Variants in UMODL1 observed in about 807,000 individuals in gnomAD.
UMODL1 encodes the protein uromodulin like 1, also known as uromodulin-like 1.
In UMODL1, 128 loss-of-function variants were observed where a neutral mutation model predicts 136.3. That is an observed-to-expected ratio of 0.94 (90% CI 0.81 to 1.09). The LOEUF is 1.09. Ranked by LOEUF, UMODL1 falls within the 50% of genes least tolerant of loss-of-function variation. The pLI is 0.00. For missense variants in UMODL1, 1,766 were observed against 1,725.6 expected (o/e 1.02, Z -0.41); for synonymous variants, 721 against 720.0 (o/e 1.00, Z -0.02).
At chr21:42,126,872 T>C in intron 18 of UMODL1, 134 bp from the exon 19 acceptor site, 1 of 802,628 alleles carries the variant, frequency 1.2e-6, no homozygotes, top group South Asian at 1.6e-5. Context: ...GTGCTCTCGT[T>C]TGGGGTTGAG....
intron 2 of UMODL1, among the ~76,000 whole-genome samples, chr21:42,079,373 C>T (rs2066333906): frequency 3.3e-5 from 5 of 152,252 alleles, no homozygotes. Flanking sequence ...AGTGTTAACA[C>T]CTTTAATTAG....
chr21:42,072,268 G>A (rs567350373), intron 1 of UMODL1, among the ~76,000 whole-genome samples: 30 of 152,334 alleles, frequency 2.0e-4, no homozygotes, highest in Admixed American at 2.0e-3. Context: ...AGAATCCAGG[G>A]AAATGGGACT....
At chr21:42,101,879 G>A (rs769253486) in intron 7 of UMODL1, 11 of 393,858 alleles carry the variant, frequency 2.8e-5, no homozygotes, top group Middle Eastern at 8.1e-4. Context: ...GCCACCCCAC[G>A]GGAAAGGACC....
chr21:42,097,187 G>A (rs553423353), intron 6 of UMODL1, among the ~76,000 whole-genome samples: 72 of 152,346 alleles, frequency 4.7e-4, no homozygotes, highest in African/African-American at 1.7e-3. Context: ...AAGTATAGAT[G>A]TGTCTTTTAA....
intron 6 of UMODL1, among the ~76,000 whole-genome samples, chr21:42,097,841 T>C (rs1175668924): frequency 6.6e-6 from 1 of 152,210 alleles, no homozygotes; most frequent in Non-Finnish European, 1.5e-5. Flanking sequence ...AGAGCTTCGA[T>C]GCTATTTGAG....
chr21:42,110,855 T>C (rs1364489686), intron 10 of UMODL1, 25 bp from the exon 11 acceptor site: 4 of 1,576,176 alleles, frequency 2.5e-6, no homozygotes, highest in Non-Finnish European at 3.4e-6. Context: ...TCCAGCAGGC[T>C]CTGACAGTGG....
At position 42,093,829 on chromosome 21, in the gene UMODL1, G is replaced by A. The variant is rs1277617397; in HGVS notation, c.931+3391G>A. ...CCAGGTATTAAAAATTTCCAGCCCAGCTCTGCCAGCAAAACACTGAGAACA... is the reference window on the plus strand; with the variant it reads ...CCAGGTATTAAAAATTTCCAGCCCAACTCTGCCAGCAAAACACTGAGAACA... On this transcript the variant is annotated intron_variant, in intron 6 of 22. Transcript: ENST00000408910. The A allele has an allele frequency of 4.0e-5, 18 of 453,604 alleles. No individual in the cohort carries two copies. In the Middle Eastern group the frequency reaches 1.9e-3, roughly 49 times the overall value. 28.1% of individuals were successfully genotyped at this position (453,604 alleles called of 1,614,324 possible). A position where few individuals can be genotyped will look rare whatever the true frequency, so the allele number is the denominator to read the frequency against.
In UMODL1 at chr21:42,113,779, G is replaced by A; in HGVS notation, c.2311G>A (p.Ala771Thr). The change falls in exon 13 of 23, where the codon GCC becomes ACC. Residue 771 changes from alanine to threonine, a missense_variant. Physicochemically the swap from Ala to Thr is moderately conservative, Grantham distance 58. Coordinates refer to ENST00000408910, the MANE Select transcript of UMODL1 (RefSeq NM_001004416.3). ...PGVLHLVEIM[A>T]KACGKEGARA... ...GGTCTTGCACCTGGTTGAGATCATG[G>A]CCAAAGCATGTGGGAAAGAAGGTGC... 1 of 1,614,066 alleles carries A rather than the reference G, an allele frequency of 6.2e-7. No individual in the cohort carries two copies. The highest frequency in any genetic ancestry group is 8.5e-7 in the Non-Finnish European group (1 of 1,180,020).
At chr21:42,089,182 C>T (rs759386738) in intron 5 of UMODL1, among the ~76,000 whole-genome samples, 16 of 152,294 alleles carry the variant, frequency 1.1e-4, no homozygotes, top group South Asian at 1.0e-3. Flanking sequence ...GGCTCCCGTA[C>T]GGCTTCCTGT....
In UMODL1 at chr21:42,103,918, G is replaced by A. The variant is rs2066674462; in HGVS notation, c.1350G>A (p.Lys450=). Residue 450 remains lysine (K), a synonymous_variant, in exon 9 of 23, where the codon AAG becomes AAA. Coordinates refer to ENST00000408910, the MANE Select transcript of UMODL1 (RefSeq NM_001004416.3). ...PVVSDLYRSG[K]LRMQIVSLQA... is the part of the protein sequence containing the mutation. Reference sequence around the variant, plus strand: ...TGTCTGACTTGTACCGAAGTGGGAAGCTGAGAATGCAGATCGTGTCTCTCC... The same window carrying A: ...TGTCTGACTTGTACCGAAGTGGGAAACTGAGAATGCAGATCGTGTCTCTCC... 16 of 1,614,082 alleles carry A rather than the reference G, an allele frequency of 9.9e-6. No homozygotes were observed. The East Asian group carries it at 3.6e-4, about 36-fold the overall frequency.
chr21:42,135,639 G>A (rs1429677867), intron 21 of UMODL1, among the ~76,000 whole-genome samples: 2 of 152,214 alleles, frequency 1.3e-5, no homozygotes, highest in African/African-American at 4.8e-5. Context: ...AGAGCCCCTG[G>A]GGGCTGGATT....
Position 42,073,862 on chromosome 21 carries a change from C to A in UMODL1, c.77-2143C>A, listed in dbSNP as rs937738099. On this transcript the variant is annotated intron_variant, in intron 1 of 22. Coordinates refer to ENST00000408910, the MANE Select transcript of UMODL1 (RefSeq NM_001004416.3). ...GAGGGAAATCAACTGTAATACTGAGCCCCCACCTCTTGGGGGTACAGTCTA... is the reference window on the plus strand; with the variant it reads ...GAGGGAAATCAACTGTAATACTGAGACCCCACCTCTTGGGGGTACAGTCTA... 2.0e-5 allele frequency among the ~76,000 whole-genome samples: 3 copies of A among 152,174 alleles called. No homozygotes were observed. The South Asian group carries it at 6.2e-4, about 32-fold the overall frequency.
chr21:42,104,118 GT>G (rs1246802447), intron 9 of UMODL1, 31 bp downstream of exon 9: 2 of 1,582,662 alleles, frequency 1.3e-6, no homozygotes, highest in African/African-American at 2.7e-5. Context: ...CTGCTGCCTG[GT>G]GTCCTCCAGC....
intron 15 of UMODL1, 116 bp downstream of exon 15, chr21:42,119,440 C>A: frequency 1.1e-6 from 1 of 880,592 alleles, no homozygotes; most frequent in Non-Finnish European, 1.8e-6. Flanking sequence ...GTCCTTCTTC[C>A]CCCAGAATTA....
In UMODL1 at chr21:42,126,426, A is replaced by G. The variant is rs1569174583; in HGVS notation, c.3229A>G (p.Ser1077Gly). ...EGIIHHLKIL[S>G]PIYCAFQNDL... is the part of the protein sequence containing the mutation. Reference sequence around the variant, plus strand: ...CATCATCCACCACCTGAAGATCCTGAGCCCCATCTACTGCGCCTTCCAGAA... The same window carrying G: ...CATCATCCACCACCTGAAGATCCTGGGCCCCATCTACTGCGCCTTCCAGAA... The change falls in exon 18 of 23, where the codon AGC becomes GGC. Residue 1077 changes from serine to glycine, a missense_variant. By Grantham distance (56) the Ser-to-Gly change is moderately conservative (BLOSUM62 0). Transcript: ENST00000408910. 1.9e-6 allele frequency: 3 copies of G among 1,614,216 alleles called. No homozygotes were observed. The highest frequency in any genetic ancestry group is 2.2e-5 in the East Asian group (1 of 44,886).
chr21:42,082,293 C>T (rs2066371165), intron 2 of UMODL1, among the ~76,000 whole-genome samples: 1 of 152,186 alleles, frequency 6.6e-6, no homozygotes, highest in South Asian at 2.1e-4. Flanking sequence ...CCCGAGAGGC[C>T]AGTCCCTGGG....
chr21:42,132,219 A>C (rs538280361), intron 21 of UMODL1, among the ~76,000 whole-genome samples: 80 of 150,994 alleles, frequency 5.3e-4, no homozygotes, highest in African/African-American at 1.9e-3. Flanking sequence ...CCACTCATCT[A>C]TCATCCATCC....
intron 22 of UMODL1, among the ~76,000 whole-genome samples, chr21:42,138,170 G>A (rs1263070031): frequency 6.6e-6 from 1 of 152,208 alleles, no homozygotes; most frequent in Non-Finnish European, 1.5e-5. Flanking sequence ...TTCATCATTT[G>A]TAAAAGAAAC....
In UMODL1 at chr21:42,122,101, T is replaced by C. The variant is rs980978018; in HGVS notation, c.2828-730T>C. Among the ~76,000 whole-genome samples, 2 of 152,158 alleles carry C rather than the reference T, an allele frequency of 1.3e-5. No individual in the cohort carries two copies. The highest frequency in any genetic ancestry group is 4.8e-5 in the African/African-American group (2 of 41,516). On this transcript the variant is annotated intron_variant, in intron 16 of 22. Coordinates refer to ENST00000408910, the MANE Select transcript of UMODL1 (RefSeq NM_001004416.3). The surrounding 1 kb of genome is among the most constrained non-coding windows in gnomAD (Gnocchi z 4.3). ...GAGACAGGAGTGAGCTGGGTGGAGC[T>C]GCAGGGTGCTGGGGCTGGGCAAGCC... is the stretch of plus-strand genomic sequence containing the variant.
Sources: gnomAD v4.1 joint callset for allele counts (sites outside exome capture counted in the v4.1 genomes callset) on GRCh38, gnomAD v4.1.1 for gene constraint, Gnocchi (gnomAD v3.1) non-coding constraint, MANE v1.5 for transcripts, NCBI Gene and HGNC (gene_info 2026-07-23, HGNC 2026-07-21) for gene names.